The following PPFIA2 variants were observed in gnomAD, a reference collection of about 807,000 sequenced individuals.
PPFIA2 encodes PPFI scaffold protein A2.
PPFIA2 carries 46 observed loss-of-function variants against 175.5 expected under a neutral mutation model. That is an observed-to-expected ratio of 0.26 (90% CI 0.21 to 0.34). The LOEUF is 0.34. PPFIA2 is among the 10% of genes least tolerant of loss of function. PPFIA2 has a pLI of 1.00. For missense variants in PPFIA2, 1,179 were observed against 1,506.1 expected, an observed-to-expected ratio of 0.78 and a Z score of 3.60; for synonymous variants, 568 against 511.4, an observed-to-expected ratio of 1.11 and a Z score of -1.49.
At chr12:81,627,497 A>T (rs952291314) in intron 4 of PPFIA2, among the ~76,000 whole-genome samples, 1 of 152,160 alleles carries the variant, frequency 6.6e-6, no homozygotes, top group South Asian at 2.1e-4. Flanking sequence ...AGTCTGTTGC[A>T]ACTGTTTTTC....
chr12:81,385,731 G>T (rs1297672706), intron 8 of PPFIA2, among the ~76,000 whole-genome samples: 1 of 152,074 alleles, frequency 6.6e-6, no homozygotes, highest in African/African-American at 2.4e-5. Flanking sequence ...ATGAGTTAAT[G>T]GGAGATGTTA....
At chr12:81,309,543 G>A (rs573598326) in intron 22 of PPFIA2, among the ~76,000 whole-genome samples, 30 of 152,158 alleles carry the variant, frequency 2.0e-4, no homozygotes, top group Admixed American at 1.0e-3. Flanking sequence ...AAGTGCAAGC[G>A]TGTGTGCCTG....
At chr12:81,524,678 T>C (rs1295057408) in intron 4 of PPFIA2, among the ~76,000 whole-genome samples, 1 of 152,234 alleles carries the variant, frequency 6.6e-6, no homozygotes, top group African/African-American at 2.4e-5. Context: ...GACTTCTAAG[T>C]TGATATTAGA....
At chr12:81,366,431 G>C (rs915280772) in intron 14 of PPFIA2, among the ~76,000 whole-genome samples, 4 of 151,492 alleles carry the variant, frequency 2.6e-5, no homozygotes, top group Admixed American at 6.6e-5. Context: ...CATGCCACAT[G>C]CACTATGTTT....
intron 4 of PPFIA2, among the ~76,000 whole-genome samples, chr12:81,490,289 G>A (rs1009032967): frequency 6.6e-6 from 1 of 151,706 alleles, no homozygotes; most frequent in East Asian, 1.9e-4. Context: ...TTCTAGAAAC[G>A]CAACCCACTG....
intron 4 of PPFIA2, among the ~76,000 whole-genome samples, chr12:81,512,616 G>A (rs1320873312): frequency 1.3e-5 from 2 of 151,884 alleles, no homozygotes; most frequent in African/African-American, 4.8e-5. Context: ...GGTGATTTCT[G>A]AGATTTTGGT....
intron 3 of PPFIA2, among the ~76,000 whole-genome samples, chr12:81,717,955 C>T (rs1203966290): frequency 6.6e-6 from 1 of 151,622 alleles, no homozygotes; most frequent in Non-Finnish European, 1.5e-5. Flanking sequence ...AACTGTACCA[C>T]AGTTAGCTGT....
At chr12:81,389,156 T>G (rs1188247142) in intron 8 of PPFIA2, among the ~76,000 whole-genome samples, 2 of 147,560 alleles carry the variant, frequency 1.4e-5, no homozygotes, top group East Asian at 3.9e-4. Flanking sequence ...CACACACACA[T>G]ATATGTATTC....
chr12:81,347,706 T>C lies in PPFIA2; in HGVS notation c.2059A>G (p.Ser687Gly), dbSNP rs2059306809. The C allele has an allele frequency of 6.2e-7, 1 of 1,613,744 alleles. No individual in the cohort carries two copies. The change falls in exon 18 of 33, where the codon AGT becomes GGT. Residue 687 changes from serine to glycine, a missense_variant. Coordinates refer to ENST00000549396, the MANE Select transcript of PPFIA2 (RefSeq NM_003625.5). ...RAEEIENRVA[S>G]VSLEGLNLAR... is the part of the protein sequence containing the mutation. ...AAATTCAGGCCTTCGAGGCTCACAC[T>C]AGCCACTCTATTTTCAATTTCTTCA...
intron 3 of PPFIA2, among the ~76,000 whole-genome samples, chr12:81,717,121 G>A (rs1360825880): frequency 6.6e-6 from 1 of 151,604 alleles, no homozygotes; most frequent in Non-Finnish European, 1.5e-5. Flanking sequence ...TTTAGTCTAT[G>A]TAGGCTACAT....
chr12:81,568,421 G>T (rs1358783386), intron 4 of PPFIA2, among the ~76,000 whole-genome samples: 1 of 152,188 alleles, frequency 6.6e-6, no homozygotes, highest in African/African-American at 2.4e-5. Context: ...GTTGAAGCCT[G>T]GTCGCCATTG....
chr12:81,611,951 C>T lies in PPFIA2; in HGVS notation c.303+64840G>A, dbSNP rs1385962680. On this transcript the variant is annotated intron_variant, in intron 4 of 32. Transcript: ENST00000549396. ...ATTTCCCTCACTCACCCCTCTCCCA[C>T]GAGCCATTAGTGGCTGGGAACTGGC... Among the ~76,000 whole-genome samples, 7 of 152,268 alleles carry T rather than the reference C, an allele frequency of 4.6e-5. No individual in the cohort carries two copies. In the East Asian group the frequency reaches 5.8e-4, roughly 13 times the overall value.
chr12:81,650,798 T>A (rs2066914406), intron 4 of PPFIA2, among the ~76,000 whole-genome samples: 1 of 152,154 alleles, frequency 6.6e-6, no homozygotes, highest in Non-Finnish European at 1.5e-5. Context: ...GAAGCTATGA[T>A]TGTTCTTGAC....
At position 81,353,243 on chromosome 12, in the gene PPFIA2, C is replaced by A; in HGVS notation, c.1870G>T (p.Asp624Tyr). The stretch of plus-strand genomic sequence containing the variant: ...AAAATTGTTTCTCTGTCATCATCAT[C>A]AATATCAGACATTTCAGTGTCACTT... Reference protein sequence around the residue: ...FESDTEMSDIDDDDRETIFSS... With the variant: ...FESDTEMSDIYDDDRETIFSS... The change falls in exon 17 of 33, where the codon GAT becomes TAT. Residue 624 changes from aspartate to tyrosine, a missense_variant. Around this residue, in one of 10 missense-constraint regions of PPFIA2, gnomAD observed 186 missense variants for 163.6 expected, o/e 1.14. Coordinates refer to ENST00000549396, the MANE Select transcript of PPFIA2 (RefSeq NM_003625.5). 2 of 1,613,590 alleles carry A rather than the reference C, an allele frequency of 1.2e-6. No individual in the cohort carries two copies. The highest frequency in any genetic ancestry group is 4.5e-5 in the East Asian group (2 of 44,852).
intron 7 of PPFIA2, among the ~76,000 whole-genome samples, chr12:81,408,203 TAGCTCCTAG>T (rs1426773418): frequency 6.6e-6 from 1 of 152,138 alleles, no homozygotes; most frequent in Non-Finnish European, 1.5e-5. Context: ...AAGAATAAAA[TAGCTCCTAG>T]ATATATCATT....
chr12:81,517,499 ATGC>A (rs2062609272), intron 4 of PPFIA2, among the ~76,000 whole-genome samples: 1 of 152,176 alleles, frequency 6.6e-6, no homozygotes, highest in Non-Finnish European at 1.5e-5. Context: ...ACCTCGGCTA[ATGC>A]TGCCAAGAAA....
At chr12:81,402,715 AGGGT>A in intron 8 of PPFIA2, among the ~76,000 whole-genome samples, 1 of 152,126 alleles carries the variant, frequency 6.6e-6, no homozygotes, top group African/African-American at 2.4e-5. Context: ...TTAGCCAGGC[AGGGT>A]GGCTCACGCC....
At chr12:81,319,682 A>T (rs1435346881) in intron 22 of PPFIA2, among the ~76,000 whole-genome samples, 1 of 151,944 alleles carries the variant, frequency 6.6e-6, no homozygotes, top group Admixed American at 6.6e-5. Context: ...AAAGGATTTC[A>T]TCTAAGGACT....
intron 4 of PPFIA2, among the ~76,000 whole-genome samples, chr12:81,490,564 A>G (rs2059318703): frequency 6.6e-6 from 1 of 151,976 alleles, no homozygotes; most frequent in Non-Finnish European, 1.5e-5. Context: ...TTTAGCTCCT[A>G]TGGCGTTCTG....
Sources: allele counts gnomAD v4.1 joint callset (sites outside exome capture counted in the v4.1 genomes callset), GRCh38; gene constraint gnomAD v4.1.1; regional missense constraint gnomAD v4.1.1; transcripts MANE v1.5; gene names NCBI Gene and HGNC (gene_info 2026-07-23, HGNC 2026-07-21).